The following GRID2 variants were observed in gnomAD, a reference collection of about 807,000 sequenced individuals.
GRID2 encodes glutamate receptor ionotropic, delta-2.
In GRID2, 33 loss-of-function variants were observed where a neutral mutation model predicts 114.8. That is an observed-to-expected ratio of 0.29 (90% CI 0.22 to 0.38). The LOEUF (loss-of-function observed/expected upper bound fraction) is 0.38. Ranked by LOEUF, GRID2 falls within the 10% of genes least tolerant of loss-of-function variation. GRID2 has a pLI of 1.00. For missense variants in GRID2, 1,184 were observed against 1,257.7 expected, an observed-to-expected ratio of 0.94 and a Z score of 0.89; for synonymous variants, 505 against 449.9, an observed-to-expected ratio of 1.12 and a Z score of -1.55.
At chr4:93,458,607 A>G (rs1723425002) in intron 11 of GRID2, among the ~76,000 whole-genome samples, 1 of 152,154 alleles carries the variant, frequency 6.6e-6, no homozygotes, top group Non-Finnish European at 1.5e-5. Context: ...AACATCCTGG[A>G]TGTACCCACC....
At chr4:93,174,312 T>G (rs983533267) in intron 4 of GRID2, among the ~76,000 whole-genome samples, 1 of 152,182 alleles carries the variant, frequency 6.6e-6, no homozygotes, top group Non-Finnish European at 1.5e-5. Flanking sequence ...ACTAATTTAC[T>G]TTCGATCTCC....
intron 2 of GRID2, among the ~76,000 whole-genome samples, chr4:92,814,511 A>G (rs1202176907): frequency 6.6e-6 from 1 of 152,074 alleles, no homozygotes; most frequent in African/African-American, 2.4e-5. Flanking sequence ...GAGGTGCTGG[A>G]ACAGCAGGAC....
intron 13 of GRID2, among the ~76,000 whole-genome samples, chr4:93,594,219 C>G (rs565525334): frequency 6.6e-6 from 1 of 151,940 alleles, no homozygotes; most frequent in African/African-American, 2.4e-5. Context: ...TGGTGATGTA[C>G]AGATGGGTTT....
intron 2 of GRID2, among the ~76,000 whole-genome samples, chr4:92,615,155 G>T (rs1729946331): frequency 6.6e-6 from 1 of 151,392 alleles, no homozygotes; most frequent in Admixed American, 6.6e-5. Context: ...TCCTTGGGTT[G>T]CAAATGCCTG....
chr4:92,882,087 A>G (rs1482367907), intron 2 of GRID2, among the ~76,000 whole-genome samples: 1 of 152,170 alleles, frequency 6.6e-6, no homozygotes, highest in East Asian at 1.9e-4. Context: ...CCCAGATTCA[A>G]TTATTCCTAC....
At chr4:93,567,294 A>G (rs1231510880) in intron 13 of GRID2, among the ~76,000 whole-genome samples, 1 of 152,212 alleles carries the variant, frequency 6.6e-6, no homozygotes. Context: ...TTCACATTGT[A>G]ACATTCTACT....
intron 2 of GRID2, among the ~76,000 whole-genome samples, chr4:92,854,332 A>G (rs1040031677): frequency 1.3e-5 from 2 of 152,084 alleles, no homozygotes; most frequent in Admixed American, 6.6e-5. Context: ...GAGAAAACAT[A>G]TAACTGTCTT....
chr4:93,499,985 G>GAAAT, intron 12 of GRID2, among the ~76,000 whole-genome samples: 1 of 152,056 alleles, frequency 6.6e-6, no homozygotes, highest in East Asian at 1.9e-4. Flanking sequence ...TTTATTGTAT[G>GAAAT]AAATAAATAA....
chr4:92,786,525 GAAGA>G (rs1314895973), intron 2 of GRID2, among the ~76,000 whole-genome samples: 2 of 151,716 alleles, frequency 1.3e-5, no homozygotes, highest in Non-Finnish European at 2.9e-5. Context: ...AAATGATTGG[GAAGA>G]AAGAAAGAAA....
At chr4:92,684,438 T>C (rs1167521416) in intron 2 of GRID2, among the ~76,000 whole-genome samples, 4 of 152,058 alleles carry the variant, frequency 2.6e-5, no homozygotes, top group South Asian at 2.1e-4. Context: ...AGTATAAATT[T>C]CTGTAAATGA....
chr4:93,514,349 A>G (rs1300592955), intron 12 of GRID2, among the ~76,000 whole-genome samples: 1 of 151,528 alleles, frequency 6.6e-6, no homozygotes, highest in Non-Finnish European at 1.5e-5. Flanking sequence ...ATTATTCTGA[A>G]TATGTTTTCA....
intron 2 of GRID2, among the ~76,000 whole-genome samples, chr4:92,733,146 G>A (rs1238183945): frequency 6.6e-6 from 1 of 151,970 alleles, no homozygotes; most frequent in Admixed American, 6.6e-5. Context: ...TTCCTGATAG[G>A]TGTAAAGAGA....
chr4:93,593,891 G>C (rs1344615400), intron 13 of GRID2, among the ~76,000 whole-genome samples: 5 of 151,876 alleles, frequency 3.3e-5, no homozygotes, highest in South Asian at 2.1e-4. Context: ...CTCGAGCCTT[G>C]GTTTTCAGGT....
chr4:92,332,594 A>G (rs1726952000), intron 1 of GRID2, among the ~76,000 whole-genome samples: 1 of 152,188 alleles, frequency 6.6e-6, no homozygotes, highest in South Asian at 2.1e-4. Flanking sequence ...TACAAAGTTT[A>G]AAGTTTCATC....
intron 13 of GRID2, among the ~76,000 whole-genome samples, chr4:93,579,818 G>A (rs969290743): frequency 1.3e-5 from 2 of 152,112 alleles, no homozygotes; most frequent in Admixed American, 6.5e-5. Context: ...TTCCTCTCAG[G>A]CTTTCCAACT....
intron 4 of GRID2, among the ~76,000 whole-genome samples, chr4:93,140,973 A>T (rs549505375): frequency 2.0e-5 from 3 of 152,208 alleles, no homozygotes; most frequent in Non-Finnish European, 4.4e-5. Flanking sequence ...TCACATTTTG[A>T]CAAACTGTTT....
chr4:93,079,634 G>C (rs1207344590), intron 2 of GRID2, among the ~76,000 whole-genome samples: 2 of 151,978 alleles, frequency 1.3e-5, no homozygotes, highest in African/African-American at 4.8e-5. Flanking sequence ...ATGTCACTGA[G>C]TCAGAATTTT....
At chr4:92,442,516 G>C (rs926895085) in intron 1 of GRID2, among the ~76,000 whole-genome samples, 4 of 152,180 alleles carry the variant, frequency 2.6e-5, no homozygotes, top group South Asian at 2.1e-4. Flanking sequence ...TGTGGCTGGG[G>C]TTTGTCTCAC....
intron 8 of GRID2, among the ~76,000 whole-genome samples, chr4:93,266,483 C>T (rs975429213): frequency 6.6e-6 from 1 of 152,138 alleles, no homozygotes; most frequent in South Asian, 2.1e-4. Context: ...CACACACATA[C>T]ACACACAGCC....
Sources: allele counts gnomAD v4.1 joint callset (sites outside exome capture counted in the v4.1 genomes callset), GRCh38; gene constraint gnomAD v4.1.1; transcripts MANE v1.5; gene names NCBI Gene and HGNC (gene_info 2026-07-23, HGNC 2026-07-21).